The following TOM1L2 variants were observed in gnomAD, a reference collection of about 807,000 sequenced individuals.
TOM1L2 encodes TOM1-like protein 2.
A neutral mutation model predicts 67.9 loss-of-function variants in TOM1L2; 31 were observed. The ratio of observed to expected loss-of-function variants is 0.46; its 90% confidence interval spans 0.34 to 0.62. TOM1L2 has a LOEUF of 0.62. Ranked by LOEUF, TOM1L2 falls within the 20% of genes least tolerant of loss-of-function variation. The pLI, the probability that TOM1L2 is intolerant of heterozygous loss-of-function variation, is 0.01. For synonymous variants in TOM1L2, 256 were observed against 254.0 expected, an observed-to-expected ratio of 1.01 and a Z score of -0.07; for missense variants, 606 against 663.5, an observed-to-expected ratio of 0.91 and a Z score of 0.95.
At chr17:17,921,966 T>TG (rs1370934137) in intron 1 of TOM1L2, among the ~76,000 whole-genome samples, 1 of 152,050 alleles carries the variant, frequency 6.6e-6, no homozygotes, top group Non-Finnish European at 1.5e-5. Context: ...TTTTTTGAGC[T>TG]TCTCCCGATG....
At chr17:17,865,908 A>AT (rs1224512964) in intron 10 of TOM1L2, among the ~76,000 whole-genome samples, 1 of 146,704 alleles carries the variant, frequency 6.8e-6, no homozygotes, top group African/African-American at 2.5e-5. Context: ...TGCGCAGCTA[A>AT]TTTTTGTATT....
At chr17:17,921,356 G>C (rs1412733496) in intron 1 of TOM1L2, among the ~76,000 whole-genome samples, 1 of 152,224 alleles carries the variant, frequency 6.6e-6, no homozygotes, top group Non-Finnish European at 1.5e-5. Context: ...TTTTTTAACT[G>C]GAATTCCCTT....
intron 12 of TOM1L2, chr17:17,858,160 G>A: frequency 4.1e-6 from 1 of 241,986 alleles, no homozygotes; most frequent in Non-Finnish European, 7.9e-6. Flanking sequence ...ATCAGGGTTG[G>A]GAGGGGGTCA....
chr17:17,961,065 G>C (rs2041657465), intron 1 of TOM1L2, among the ~76,000 whole-genome samples: 1 of 152,118 alleles, frequency 6.6e-6, no homozygotes, highest in Non-Finnish European at 1.5e-5. Flanking sequence ...AGAATATATA[G>C]AGAACTCCTA....
At chr17:17,886,638 G>C (rs1021081540) in intron 4 of TOM1L2, among the ~76,000 whole-genome samples, 6 of 152,224 alleles carry the variant, frequency 3.9e-5, no homozygotes, top group African/African-American at 1.4e-4. Flanking sequence ...AGTTCTTCCT[G>C]GCACCACTTC....
intron 8 of TOM1L2, 82 bp downstream of exon 8, chr17:17,869,258 C>G: frequency 6.3e-7 from 1 of 1,589,180 alleles, no homozygotes; most frequent in Non-Finnish European, 8.5e-7. Flanking sequence ...CCCTCTCTTT[C>G]CTTTGTTTAT....
intron 4 of TOM1L2, among the ~76,000 whole-genome samples, chr17:17,886,227 C>T (rs192672275): frequency 1.1e-3 from 171 of 152,354 alleles, no homozygotes; most frequent in African/African-American, 4.0e-3. Context: ...TTCCAAAAAG[C>T]CTCCTTAATT....
In TOM1L2 at chr17:17,843,587, G is replaced by A. The variant is rs1178708505; in HGVS notation, c.*4048C>T. ...TAGAGAGAGGGTATCTGGAAGGAGGGCCAGTGGGGTGGATGGATGCTCTGA... is the reference window on the plus strand; with the variant it reads ...TAGAGAGAGGGTATCTGGAAGGAGGACCAGTGGGGTGGATGGATGCTCTGA... On this transcript the variant is annotated 3_prime_UTR_variant, in exon 15 of 15. Transcript: ENST00000379504. 1 of 152,278 alleles carries A rather than the reference G, an allele frequency of 6.6e-6. No homozygotes were observed. The highest frequency in any genetic ancestry group is 2.4e-5 in the African/African-American group (1 of 41,450). 9.4% of individuals were successfully genotyped at this position (152,278 alleles called of 1,614,324 possible). A position where few individuals can be genotyped will look rare whatever the true frequency, so the allele number is the denominator to read the frequency against.
Position 17,879,617 on chromosome 17 carries a change from G to A in TOM1L2, c.777+10C>T. The A allele has an allele frequency of 6.2e-7, 1 of 1,608,130 alleles. No individual in the cohort carries two copies. Among genetic ancestry groups the A allele is most frequent in the African/African-American group, 1.3e-5 (1 of 74,892 alleles). On this transcript the variant is annotated intron_variant, in intron 7 of 14. Transcript: ENST00000379504. ...CACCACAGGCCAAGTGCTTCTGAAAGATGACTCACCTGCAGCAACTCCAGA... is the reference window on the plus strand; with the variant it reads ...CACCACAGGCCAAGTGCTTCTGAAAAATGACTCACCTGCAGCAACTCCAGA...
At chr17:17,848,130 C>T (rs900484756) in intron 14 of TOM1L2, among the ~76,000 whole-genome samples, 10 of 152,126 alleles carry the variant, frequency 6.6e-5, no homozygotes, top group Non-Finnish European at 1.3e-4. Flanking sequence ...CAGGCAGGAA[C>T]CATCCCACCT....
chr17:17,850,520 A>AG (rs1351772396), intron 13 of TOM1L2, among the ~76,000 whole-genome samples: 1 of 152,084 alleles, frequency 6.6e-6, no homozygotes, highest in Non-Finnish European at 1.5e-5. Flanking sequence ...AAAACAAAAA[A>AG]CATGCTCCCC....
chr17:17,889,928 C>T (rs1262975630), intron 4 of TOM1L2, among the ~76,000 whole-genome samples: 1 of 152,128 alleles, frequency 6.6e-6, no homozygotes, highest in African/African-American at 2.4e-5. Context: ...CGCTCTGGCA[C>T]CCCACACTTA....
chr17:17,967,251 C>T (rs940238814), intron 1 of TOM1L2, among the ~76,000 whole-genome samples: 2 of 152,204 alleles, frequency 1.3e-5, no homozygotes, highest in Non-Finnish European at 2.9e-5. Flanking sequence ...CTGCTTCTTG[C>T]CTGTTTATTA....
chr17:17,867,895 T>G (rs898626368), intron 8 of TOM1L2, among the ~76,000 whole-genome samples: 1 of 152,124 alleles, frequency 6.6e-6, no homozygotes, highest in African/African-American at 2.4e-5. Context: ...CTGAAACAAT[T>G]TTAATCCTGG....
chr17:17,921,587 C>T (rs867163507), intron 1 of TOM1L2, among the ~76,000 whole-genome samples: 12 of 152,124 alleles, frequency 7.9e-5, no homozygotes, highest in African/African-American at 2.9e-4. Context: ...AAGATGGTGC[C>T]AGGCTTTGGG....
chr17:17,925,568 G>A (rs773414221), intron 1 of TOM1L2, among the ~76,000 whole-genome samples: 43 of 151,776 alleles, frequency 2.8e-4, no homozygotes, highest in East Asian at 1.9e-4. Flanking sequence ...TAGCCCAGGC[G>A]CAGTGGCTCA....
intron 3 of TOM1L2, among the ~76,000 whole-genome samples, chr17:17,896,406 G>C (rs2038573300): frequency 6.6e-6 from 1 of 152,156 alleles, no homozygotes; most frequent in Non-Finnish European, 1.5e-5. Context: ...TCCACTCTCA[G>C]AGCAACAGTG....
At chr17:17,848,135 C>A (rs1369028285) in intron 14 of TOM1L2, among the ~76,000 whole-genome samples, 1 of 152,174 alleles carries the variant, frequency 6.6e-6, no homozygotes, top group Non-Finnish European at 1.5e-5. Context: ...AGGAACCATC[C>A]CACCTACCCC....
intron 1 of TOM1L2, among the ~76,000 whole-genome samples, chr17:17,941,807 T>C (rs1598380134): frequency 1.3e-5 from 2 of 152,220 alleles, no homozygotes; most frequent in African/African-American, 4.8e-5. Context: ...AGATAACCTA[T>C]GAACCTCATT....
Sources: gnomAD v4.1 joint callset for allele counts (sites outside exome capture counted in the v4.1 genomes callset) on GRCh38, gnomAD v4.1.1 for gene constraint, MANE v1.5 for transcripts, NCBI Gene and HGNC (gene_info 2026-07-23, HGNC 2026-07-21) for gene names.